The following SEMA4B variants were observed in gnomAD, a reference collection of about 807,000 sequenced individuals.
The protein encoded by SEMA4B is semaphorin 4B, also known as semaphorin-4B.
A neutral mutation model predicts 88.1 loss-of-function variants in SEMA4B; 55 were observed. That is an observed-to-expected ratio of 0.62 (90% confidence interval 0.50 to 0.78). The LOEUF (loss-of-function observed/expected upper bound fraction) is 0.78, where lower values mean the gene tolerates loss of function less well. Ranked by LOEUF, SEMA4B falls within the 30% of genes least tolerant of loss-of-function variation. The pLI, the probability that SEMA4B is intolerant of heterozygous loss-of-function variation, is 0.00. For synonymous variants in SEMA4B, 525 were observed against 473.6 expected, an observed-to-expected ratio of 1.11 and a Z score of -1.41; for missense variants, 1,062 against 1,111.9, an observed-to-expected ratio of 0.96 and a Z score of 0.64.
At position 90,228,124 on chromosome 15, in the gene SEMA4B, G is replaced by C; in HGVS notation, c.1995G>C (p.Gln665His). ...GGTCACTAGAGGAGGGCTTCCAGCAGCTGGTAGCCAGCTACTGCCCAGAGG... is the reference window on the plus strand; with the variant it reads ...GGTCACTAGAGGAGGGCTTCCAGCACCTGGTAGCCAGCTACTGCCCAGAGG... ...QCWSLEEGFQ[Q>H]LVASYCPEVV... The change falls in exon 14 of 14, where the codon CAG becomes CAC. Residue 665 changes from glutamine to histidine, a missense_variant. Transcript: ENST00000411539. 1 of 1,611,790 alleles carries C rather than the reference G, an allele frequency of 6.2e-7. No homozygotes were observed. The highest frequency in any genetic ancestry group is 1.1e-5 in the South Asian group (1 of 90,682).
At chr15:90,219,763 G>T in intron 3 of SEMA4B, 30 bp from the exon 4 acceptor site, 1 of 1,579,696 alleles carries the variant, frequency 6.3e-7, no homozygotes. Context: ...TTGGGCGTGG[G>T]ACTGATATCC....
chr15:90,225,688 GGCGTAGTCCAGGT>G lies in SEMA4B; in HGVS notation c.1552_1564del (p.Val518ProfsTer85). 6.4e-7 allele frequency: 1 copy of G among 1,567,812 alleles called. No individual in the cohort carries two copies. The highest frequency in any genetic ancestry group is 8.6e-7 in the Non-Finnish European group (1 of 1,157,396). ...GCTGCTGTATGCGGCCTCACACTCG[GGCGTAGTCCAGGT>G]GCCCATGGCCAACTGCAGCCTGTAC... On this transcript the variant is annotated frameshift_variant, in exon 12 of 14. Transcript: ENST00000411539. LOFTEE classifies it high-confidence loss of function.
Position 90,228,101 on chromosome 15 carries a change from T to C in SEMA4B, c.1972T>C (p.Ser658Pro), listed in dbSNP as rs770733926. The change falls in exon 14 of 14, where the codon TCA becomes CCA. Residue 658 changes from serine (S) to proline (P), a missense_variant. Transcript: ENST00000411539. ...ACAGCTGGGGGAGTTCCAGTGCTGGTCACTAGAGGAGGGCTTCCAGCAGCT... is the reference window on the plus strand; with the variant it reads ...ACAGCTGGGGGAGTTCCAGTGCTGGCCACTAGAGGAGGGCTTCCAGCAGCT... ...TQQLGEFQCW[S>P]LEEGFQQLVA... The C allele has an allele frequency of 6.2e-7, 1 of 1,612,392 alleles. No homozygotes were observed. The highest frequency in any genetic ancestry group is 2.2e-5 in the East Asian group (1 of 44,858).
At chr15:90,214,701 A>G (rs1252946704) in intron 1 of SEMA4B, among the ~76,000 whole-genome samples, 2 of 150,924 alleles carry the variant, frequency 1.3e-5, no homozygotes, top group African/African-American at 4.9e-5. Flanking sequence ...CCTTATGGAC[A>G]TTGAGGATGG....
At chr15:90,226,360 G>T (rs1962172826) in intron 12 of SEMA4B, among the ~76,000 whole-genome samples, 1 of 152,098 alleles carries the variant, frequency 6.6e-6, no homozygotes, top group Non-Finnish European at 1.5e-5. Context: ...CATTTATCTT[G>T]TTTGGAGACT....
chr15:90,205,095 C>T (rs952509838), intron 1 of SEMA4B, among the ~76,000 whole-genome samples: 2 of 152,172 alleles, frequency 1.3e-5, no homozygotes, highest in African/African-American at 4.8e-5. Flanking sequence ...TTATTAATTC[C>T]CTCCTGCCCC....
In SEMA4B at chr15:90,228,644, G is replaced by A; in HGVS notation, c.*1G>A. On this transcript the variant is annotated 3_prime_UTR_variant, in exon 14 of 14. Transcript: ENST00000411539. ...GGAGATCCGTGACTCTGTGGTGTGA[G>A]AGCTGACTTCCAGAGGACGCTGCCC... is the stretch of plus-strand genomic sequence containing the variant. The A allele has an allele frequency of 6.2e-7, 1 of 1,613,150 alleles. No homozygotes were observed. Among genetic ancestry groups the A allele is most frequent in the Non-Finnish European group, 8.5e-7 (1 of 1,179,866 alleles).
chr15:90,208,851 C>G (rs1037315815), intron 1 of SEMA4B, among the ~76,000 whole-genome samples: 1 of 151,710 alleles, frequency 6.6e-6, no homozygotes. Flanking sequence ...AAGCGATCTT[C>G]CCACCTCAGC....
chr15:90,228,265 G>T lies in SEMA4B; in HGVS notation c.2136G>T (p.Arg712Ser). ...GCAAGGCCAGCTGGGGTGCAGACAG[G>T]TCCTACTGGAAGGAGTTCCTGGTGA... ...AGGKASWGAD[R>S]SYWKEFLVMC... The change falls in exon 14 of 14, where the codon AGG becomes AGT. Residue 712 changes from arginine (R) to serine (S), a missense_variant. Coordinates refer to ENST00000411539, the MANE Select transcript of SEMA4B (RefSeq NM_198925.4). The T allele has an allele frequency of 6.3e-7, 1 of 1,592,526 alleles. No homozygotes were observed. The highest frequency in any genetic ancestry group is 8.6e-7 in the Non-Finnish European group (1 of 1,168,600).
At chr15:90,215,710 G>T (rs1961502199) in intron 1 of SEMA4B, among the ~76,000 whole-genome samples, 1 of 152,152 alleles carries the variant, frequency 6.6e-6, no homozygotes, top group Admixed American at 6.5e-5. Context: ...TACTCGGGAG[G>T]CTGAGGCAGA....
rs1961306295 is a variant in SEMA4B, at chr15:90,212,268, C to CGGTCTGCCTTTTTGAAGGAT, written c.158-5169_158-5150dup. 6.6e-6 allele frequency among the ~76,000 whole-genome samples: 1 copy of CGGTCTGCCTTTTTGAAGGAT among 152,140 alleles called. No individual in the cohort carries two copies. Among genetic ancestry groups the CGGTCTGCCTTTTTGAAGGAT allele is most frequent in the Non-Finnish European group, 1.5e-5 (1 of 68,016 alleles). On this transcript the variant is annotated intron_variant, in intron 1 of 13. Coordinates refer to ENST00000411539, the MANE Select transcript of SEMA4B (RefSeq NM_198925.4). This position sits in a 1 kb window ranked among gnomAD's most constrained non-coding sequence, Gnocchi z 4.0. ...GGACAGGGCAGCCCCAGACCAGCCC[C>CGGTCTGCCTTTTTGAAGGAT]GGTCTGCCTTTTTGAAGGATGATCT...
intron 4 of SEMA4B, chr15:90,220,115 C>G: frequency 5.8e-6 from 3 of 515,336 alleles, no homozygotes; most frequent in Non-Finnish European, 6.8e-6. Flanking sequence ...CATGCGGTCA[C>G]TTACCCATGA....
At position 90,228,569 on chromosome 15, in the gene SEMA4B, T is replaced by C. The variant is rs780701373; in HGVS notation, c.2440T>C (p.Phe814Leu). ...EKRPLSIQDS[F>L]VEVSPVCPRP... The stretch of plus-strand genomic sequence containing the variant: ...GAGGCCACTCAGCATCCAAGACAGC[T>C]TCGTGGAGGTATCCCCAGTGTGCCC... The change falls in exon 14 of 14, where the codon TTC becomes CTC. Residue 814 changes from phenylalanine (F) to leucine (L), a missense_variant. Coordinates refer to ENST00000411539, the MANE Select transcript of SEMA4B (RefSeq NM_198925.4). 8.1e-6 allele frequency: 13 copies of C among 1,613,612 alleles called. No individual in the cohort carries two copies. The East Asian group carries it at 2.5e-4, about 30-fold the overall frequency.
intron 1 of SEMA4B, among the ~76,000 whole-genome samples, chr15:90,205,728 G>A (rs546000836): frequency 2.0e-5 from 3 of 152,212 alleles, no homozygotes; most frequent in Non-Finnish European, 4.4e-5. Flanking sequence ...CCATTTTTGT[G>A]CACACTGGTG....
chr15:90,195,192 T>C (rs1373709053), intron 1 of SEMA4B, among the ~76,000 whole-genome samples: 1 of 151,978 alleles, frequency 6.6e-6, no homozygotes, highest in Non-Finnish European at 1.5e-5. Context: ...CTCCTGGGCT[T>C]AGGTGATCCT....
chr15:90,223,746 G>T lies in SEMA4B; in HGVS notation c.1043+6G>T, dbSNP rs1458510759. On this transcript the variant is annotated splice_donor_region_variant and intron_variant, in intron 8 of 13. Coordinates refer to ENST00000411539, the MANE Select transcript of SEMA4B (RefSeq NM_198925.4). ...GGGGTCTTCACTTCCCAGTGGTAGG[G>T]CCTCCAGACCTCGCTGGAGATGGAA... 7.5e-6 allele frequency: 12 copies of T among 1,604,392 alleles called. No homozygotes were observed. Among genetic ancestry groups the T allele is most frequent in the Non-Finnish European group, 1.0e-5 (12 of 1,172,666 alleles).
chr15:90,191,343 C>T (rs1277168675), intron 1 of SEMA4B, among the ~76,000 whole-genome samples: 1 of 152,198 alleles, frequency 6.6e-6, no homozygotes, highest in African/African-American at 2.4e-5. Flanking sequence ...TGAGGGAGTA[C>T]CCAGAAGGGG....
chr15:90,229,150 G>C lies in SEMA4B; in HGVS notation c.*507G>C, dbSNP rs7167139. 17,204 of 369,946 alleles carry C rather than the reference G, an allele frequency of 0.047. 1,267 individuals carry two copies. The highest frequency in any genetic ancestry group is 0.31 in the East Asian group (4,064 of 13,068). 22.9% of individuals were successfully genotyped at this position (369,946 alleles called of 1,614,324 possible). ...TGCAGATTCAGGACCAGCTTGGGCT[G>C]CGTGCGTTCTGCCTTGCCAGTCAGC... On this transcript the variant is annotated 3_prime_UTR_variant, in exon 14 of 14. Transcript: ENST00000411539.
At chr15:90,198,827 T>C (rs1230914720), upstream of SEMA4B, among the ~76,000 whole-genome samples, 1 of 152,074 alleles carries the variant, frequency 6.6e-6, no homozygotes. Context: ...GGGGAACCCT[T>C]GGAGGGTTTT....
Sources: allele counts gnomAD v4.1 joint callset (sites outside exome capture counted in the v4.1 genomes callset), GRCh38; gene constraint gnomAD v4.1.1; non-coding constraint Gnocchi (gnomAD v3.1); transcripts MANE v1.5; gene names NCBI Gene and HGNC (gene_info 2026-07-23, HGNC 2026-07-21).